Variants in CLNK observed in about 807,000 individuals in gnomAD.
The protein encoded by CLNK is cytokine-dependent hematopoietic cell linker.
In CLNK, 74 loss-of-function variants were observed where a neutral mutation model predicts 68.6. The ratio of observed to expected loss-of-function variants is 1.08; its 90% CI spans 0.89 to 1.31. The LOEUF is 1.31. Among genes scored for constraint, CLNK ranks in the 50% most tolerant of loss-of-function variants. CLNK has a pLI of 0.00. For synonymous variants in CLNK, 198 were observed against 172.2 expected, an observed-to-expected ratio of 1.15 and a Z score of -1.17; for missense variants, 553 against 515.3, an observed-to-expected ratio of 1.07 and a Z score of -0.71.
At chr4:10,537,638 T>C (rs13144161) in intron 11 of CLNK, among the ~76,000 whole-genome samples, 33,893 of 54,332 alleles carry the variant, frequency 0.62, 9,108 homozygotes, top group Non-Finnish European at 0.65. Flanking sequence ...TCTTTCTTTC[T>C]CTTTCTTTCT....
At chr4:10,546,221 T>A (rs1396491521) in intron 8 of CLNK, among the ~76,000 whole-genome samples, 1 of 152,188 alleles carries the variant, frequency 6.6e-6, no homozygotes, top group Non-Finnish European at 1.5e-5. Context: ...GTTTTCCAAA[T>A]TTATCCACTC....
intron 2 of CLNK, among the ~76,000 whole-genome samples, chr4:10,608,102 G>T (rs984003468): frequency 2.6e-5 from 4 of 152,144 alleles, no homozygotes; most frequent in Non-Finnish European, 4.4e-5. Flanking sequence ...AGTGTCCTGT[G>T]CTTACCAAAG....
chr4:10,700,032 A>G, the CLNK span, among the ~76,000 whole-genome samples: 1,606 of 37,236 alleles, frequency 0.043, 27 homozygotes, highest in African/African-American at 0.094. Context: ...GTGTGTATAT[A>G]TATATTTCCT....
chr4:10,591,409 C>CA (rs535601239), intron 3 of CLNK, among the ~76,000 whole-genome samples: 7 of 152,230 alleles, frequency 4.6e-5, no homozygotes, highest in Non-Finnish European at 8.8e-5. Context: ...CTGGAATTCT[C>CA]AGACTGCCTA....
At chr4:10,692,128 T>C in the CLNK span, 2 of 152,062 alleles carry the variant, frequency 1.3e-5, no homozygotes, top group Non-Finnish European at 2.9e-5. Context: ...TAATAATAGC[T>C]GGTATAAATA....
chr4:10,579,038 G>A (rs1282488076), intron 4 of CLNK, among the ~76,000 whole-genome samples: 2 of 152,156 alleles, frequency 1.3e-5, no homozygotes, highest in Non-Finnish European at 2.9e-5. Context: ...AGAGAACCAG[G>A]GATCAAACTC....
At chr4:10,637,414 A>G (rs1218676181) in intron 2 of CLNK, among the ~76,000 whole-genome samples, 1 of 144,630 alleles carries the variant, frequency 6.9e-6, no homozygotes, top group East Asian at 2.0e-4. Context: ...ATAGACCTTT[A>G]TGTGATAAGC....
At chr4:10,728,584 C>A in the CLNK span, among the ~76,000 whole-genome samples, 1 of 7,776 alleles carries the variant, frequency 1.3e-4, no homozygotes, top group African/African-American at 2.1e-4. Context: ...TGTATCCTTT[C>A]TTTCTTTCTT....
chr4:10,649,882 A>T (rs1010264844), intron 2 of CLNK, among the ~76,000 whole-genome samples: 5 of 123,906 alleles, frequency 4.0e-5, no homozygotes, highest in Non-Finnish European at 7.8e-5. Flanking sequence ...CAGACAAAAT[A>T]AAAAAAAAAA....
chr4:10,525,255 C>T (rs193040296), intron 14 of CLNK, among the ~76,000 whole-genome samples: 8 of 152,178 alleles, frequency 5.3e-5, no homozygotes, highest in African/African-American at 9.6e-5. Context: ...TTAGTAGAGA[C>T]GGGGTTTCAC....
At chr4:10,561,866 G>T (rs16869861) in intron 7 of CLNK, among the ~76,000 whole-genome samples, 2 of 152,122 alleles carry the variant, frequency 1.3e-5, no homozygotes, top group Non-Finnish European at 2.9e-5. Context: ...TACTAAACAG[G>T]TATTTATTTT....
intron 16 of CLNK, among the ~76,000 whole-genome samples, chr4:10,512,247 T>G (rs957876038): frequency 9.9e-5 from 15 of 152,114 alleles, no homozygotes; most frequent in East Asian, 5.8e-4. Context: ...TTTTTTTTTT[T>G]TGTGATGAAG....
intron 2 of CLNK, among the ~76,000 whole-genome samples, chr4:10,627,731 C>T (rs185149909): frequency 3.2e-4 from 48 of 152,282 alleles, no homozygotes; most frequent in Middle Eastern, 3.4e-3. Flanking sequence ...CTTTGACTGA[C>T]AGGAGCCACA....
At chr4:10,592,292 A>G (rs1299521160) in intron 3 of CLNK, among the ~76,000 whole-genome samples, 2 of 151,936 alleles carry the variant, frequency 1.3e-5, no homozygotes, top group Non-Finnish European at 2.9e-5. Context: ...AGTGCTCCCA[A>G]TACATATTAA....
intron 5 of CLNK, among the ~76,000 whole-genome samples, chr4:10,568,924 A>C (rs1382487860): frequency 6.6e-6 from 1 of 152,176 alleles, no homozygotes; most frequent in Non-Finnish European, 1.5e-5. Context: ...AAACAAATGC[A>C]ATTATTTGGG....
the CLNK span, among the ~76,000 whole-genome samples, chr4:10,699,919 T>G: frequency 6.6e-6 from 1 of 152,122 alleles, no homozygotes; most frequent in Non-Finnish European, 1.5e-5. Flanking sequence ...TTATTTTTCA[T>G]TGTTGTACTG....
rs773437481 is a variant in CLNK at position 10,513,448 on chromosome 4, A to T, written c.906+16T>A. On this transcript the variant is annotated intron_variant, in intron 16 of 18. Coordinates refer to ENST00000226951, the MANE Select transcript of CLNK (RefSeq NM_052964.4). ...AAGTACATCTAGAAGGACTTGGCAGAGAAGTGTCTGCTTACCTTTCTATCA... is the reference window on the plus strand; with the variant it reads ...AAGTACATCTAGAAGGACTTGGCAGTGAAGTGTCTGCTTACCTTTCTATCA... 5 of 1,607,132 alleles carry T rather than the reference A, an allele frequency of 3.1e-6. No homozygotes were observed. Among genetic ancestry groups the T allele is most frequent in the Admixed American group, 3.4e-5 (2 of 59,116 alleles).
At chr4:10,690,785 G>A in the CLNK span, among the ~76,000 whole-genome samples, 3 of 152,156 alleles carry the variant, frequency 2.0e-5, no homozygotes, top group Non-Finnish European at 4.4e-5. Flanking sequence ...ATTCATTCAT[G>A]TCCCACTGTC....
At chr4:10,722,666 T>A in the CLNK span, among the ~76,000 whole-genome samples, 1 of 152,202 alleles carries the variant, frequency 6.6e-6, no homozygotes, top group African/African-American at 2.4e-5. Context: ...AGCAGATTTA[T>A]TGAGATCTGC....
Sources: gnomAD v4.1 joint callset for allele counts (sites outside exome capture counted in the v4.1 genomes callset) on GRCh38, gnomAD v4.1.1 for gene constraint, MANE v1.5 for transcripts, NCBI Gene and HGNC (gene_info 2026-07-23, HGNC 2026-07-21) for gene names.